C3orf49: variants seen among roughly 807,000 people sequenced by gnomAD.
The protein encoded by C3orf49 is putative uncharacterized protein C3orf49.
In C3orf49, 27 loss-of-function variants were observed where a neutral mutation model predicts 13.3. The observed-to-expected ratio is 2.02, with a 90% CI of 1.49 to 2.79. The LOEUF (loss-of-function observed/expected upper bound fraction) is 2.79. C3orf49 is among the 30% of genes most tolerant of loss of function. The pLI is 0.00. For synonymous variants in C3orf49, 87 were observed against 47.6 expected, an observed-to-expected ratio of 1.83 and a Z score of -3.40; for missense variants, 242 against 134.2, an observed-to-expected ratio of 1.80 and a Z score of -3.97.
the C3orf49 span, among the ~76,000 whole-genome samples, chr3:63,793,418 A>G: frequency 1.3e-5 from 2 of 150,992 alleles, no homozygotes; most frequent in East Asian, 2.0e-4. Context: ...TTTATCCTCC[A>G]CCTCTTCTCT....
At chr3:63,839,521 A>G in intron 5 of C3orf49, 1 of 768,718 alleles carries the variant, frequency 1.3e-6, no homozygotes, top group Non-Finnish European at 2.2e-6. Flanking sequence ...AAGAAAATCT[A>G]CTCTTGGTTA....
chr3:63,830,739 C>T (rs544202322), intron 3 of C3orf49, among the ~76,000 whole-genome samples: 10 of 152,282 alleles, frequency 6.6e-5, no homozygotes, highest in Non-Finnish European at 1.2e-4. Context: ...ACTAGATCCA[C>T]GATAATGAGC....
At chr3:63,843,200 C>A (rs904041603) in intron 5 of C3orf49, among the ~76,000 whole-genome samples, 1 of 152,100 alleles carries the variant, frequency 6.6e-6, no homozygotes, top group Admixed American at 6.5e-5. Context: ...CTTACTGCAA[C>A]CTCTATCTCC....
rs937882197 is a variant in C3orf49, at chr3:63,848,489, C to T, written c.*156C>T. ...CTGTACTGAACCAATATACATCTTA[C>T]GTGTATTCATTGATGTCTGCCTGTA... On this transcript the variant is annotated 3_prime_UTR_variant, in exon 7 of 7. Transcript: ENST00000295896. 3.3e-5 allele frequency: 5 copies of T among 152,190 alleles called. No homozygotes were observed. The highest frequency in any genetic ancestry group is 5.9e-5 in the Non-Finnish European group (4 of 68,056). The allele number at this position is 152,190 out of a possible 1,614,324, so 9.4% of individuals were successfully genotyped here. A position where few individuals can be genotyped will look rare whatever the true frequency, so the allele number is the denominator to read the frequency against.
At chr3:63,835,240 A>T in intron 5 of C3orf49, 2 of 1,613,538 alleles carry the variant, frequency 1.2e-6, no homozygotes, top group Non-Finnish European at 1.7e-6. Context: ...TAACAAGAAA[A>T]AAATTTATAC....
At chr3:63,812,589 AT>A in the C3orf49 span, among the ~76,000 whole-genome samples, 1 of 151,982 alleles carries the variant, frequency 6.6e-6, no homozygotes, top group Non-Finnish European at 1.5e-5. Flanking sequence ...ATTTTACTTG[AT>A]TTTTTTTGTT....
chr3:63,806,188 A>C, the C3orf49 span, among the ~76,000 whole-genome samples: 1 of 152,200 alleles, frequency 6.6e-6, no homozygotes, highest in Non-Finnish European at 1.5e-5. Context: ...TAGTGTGGAT[A>C]AATAACACTG....
chr3:63,845,062 C>G lies in C3orf49; in HGVS notation c.*10C>G. ...ACCTGGAGACAGCTGACCTGAGACT[C>G]CTTGAGGAACACAGGAAAAGGTGAT... On this transcript the variant is annotated 3_prime_UTR_variant, in exon 6 of 7. Coordinates refer to ENST00000295896, the MANE Select transcript of C3orf49 (RefSeq NM_001355236.2). 1.4e-6 allele frequency: 1 copy of G among 698,456 alleles called. No homozygotes were observed. The highest frequency in any genetic ancestry group is 1.5e-5 in the South Asian group (1 of 67,032). 43.3% of individuals were successfully genotyped at this position (698,456 alleles called of 1,614,324 possible). A position where few individuals can be genotyped will look rare whatever the true frequency, so the allele number is the denominator to read the frequency against.
chr3:63,817,536 G>A (rs1189193017), upstream of C3orf49, among the ~76,000 whole-genome samples: 3 of 152,080 alleles, frequency 2.0e-5, no homozygotes, highest in Non-Finnish European at 2.9e-5. Context: ...TTTTACGAAC[G>A]AGAAAATGAA....
chr3:63,799,816 T>A, the C3orf49 span, among the ~76,000 whole-genome samples: 1 of 152,126 alleles, frequency 6.6e-6, no homozygotes, highest in Non-Finnish European at 1.5e-5. Context: ...AACCCAAGCC[T>A]CTTGGTACCA....
the C3orf49 span, among the ~76,000 whole-genome samples, chr3:63,808,343 A>C: frequency 1.3e-5 from 2 of 152,206 alleles, no homozygotes; most frequent in Admixed American, 6.5e-5. Flanking sequence ...AGTTCCCTAA[A>C]TGATGTTATT....
At chr3:63,837,164 AC>A (rs1192933120) in intron 5 of C3orf49, among the ~76,000 whole-genome samples, 5 of 152,124 alleles carry the variant, frequency 3.3e-5, no homozygotes, top group African/African-American at 1.2e-4. Flanking sequence ...TCTTTTGGAT[AC>A]AAATTTTTTG....
At chr3:63,780,390 T>C in the C3orf49 span, among the ~76,000 whole-genome samples, 1 of 152,328 alleles carries the variant, frequency 6.6e-6, no homozygotes, top group South Asian at 2.1e-4. Flanking sequence ...TCTATCATTG[T>C]TGGACATTTG....
intron 5 of C3orf49, among the ~76,000 whole-genome samples, chr3:63,835,875 T>G (rs1011836887): frequency 6.6e-6 from 1 of 152,080 alleles, no homozygotes; most frequent in Non-Finnish European, 1.5e-5. Context: ...AGTATTGGTA[T>G]ATAATATTTG....
the C3orf49 span, among the ~76,000 whole-genome samples, chr3:63,787,921 G>T: frequency 1.3e-5 from 2 of 152,140 alleles, no homozygotes; most frequent in Non-Finnish European, 2.9e-5. Context: ...CACAGAATCC[G>T]CTTTATTCCC....
the C3orf49 span, among the ~76,000 whole-genome samples, chr3:63,811,779 T>C: frequency 1.3e-5 from 2 of 150,770 alleles, no homozygotes; most frequent in Admixed American, 6.6e-5. Flanking sequence ...TGTGAAAAAA[T>C]AGAGAATGCT....
At chr3:63,792,403 C>T in the C3orf49 span, among the ~76,000 whole-genome samples, 2 of 152,182 alleles carry the variant, frequency 1.3e-5, no homozygotes, top group African/African-American at 2.4e-5. Flanking sequence ...CAGATAATTG[C>T]CTCCATTCTC....
At chr3:63,781,983 C>T in the C3orf49 span, among the ~76,000 whole-genome samples, 1 of 152,124 alleles carries the variant, frequency 6.6e-6, no homozygotes, top group Admixed American at 6.5e-5. Context: ...AGGATTTGAC[C>T]CCGAGCCTAT....
the C3orf49 span, among the ~76,000 whole-genome samples, chr3:63,789,065 T>G: frequency 6.6e-6 from 1 of 152,218 alleles, no homozygotes; most frequent in Non-Finnish European, 1.5e-5. Flanking sequence ...GTACGTCATC[T>G]GTTAGAAACT....
Sources: allele counts gnomAD v4.1 joint callset (sites outside exome capture counted in the v4.1 genomes callset), GRCh38; gene constraint gnomAD v4.1.1; transcripts MANE v1.5; gene names NCBI Gene and HGNC (gene_info 2026-07-23, HGNC 2026-07-21).